The following LRRC49 variants were observed in gnomAD, a reference collection of about 807,000 sequenced individuals.
LRRC49 encodes leucine-rich repeat-containing protein 49.
LRRC49 carries 50 observed loss-of-function variants against 83.3 expected under a neutral mutation model. That is an observed-to-expected ratio of 0.60 (90% CI 0.48 to 0.76). The LOEUF (loss-of-function observed/expected upper bound fraction) is 0.76, where lower values mean the gene tolerates loss of function less well. Among genes scored for constraint, LRRC49 ranks in the 30% least tolerant of loss-of-function variants. LRRC49 has a pLI of 0.00. For synonymous variants in LRRC49, 286 were observed against 283.3 expected (o/e 1.01, Z -0.10); for missense variants, 704 against 809.1 (o/e 0.87, Z 1.58).
intron 7 of LRRC49, among the ~76,000 whole-genome samples, chr15:70,922,522 G>A (rs1037611664): frequency 1.3e-5 from 2 of 152,066 alleles, no homozygotes; most frequent in African/African-American, 4.8e-5. Flanking sequence ...GTTATCAGAG[G>A]CTGAGAAGGG....
intron 1 of LRRC49, chr15:70,860,047 T>C: frequency 1.4e-6 from 1 of 738,502 alleles, no homozygotes; most frequent in East Asian, 2.5e-5. Context: ...GCTTTGGCTC[T>C]GGCGCAGGCT....
chr15:70,983,290 A>G (rs1023048785), intron 10 of LRRC49, among the ~76,000 whole-genome samples: 1 of 152,128 alleles, frequency 6.6e-6, no homozygotes, highest in African/African-American at 2.4e-5. Flanking sequence ...ACTGAGCTCC[A>G]ATGCTGGAAG....
intron 1 of LRRC49, among the ~76,000 whole-genome samples, chr15:70,869,486 A>G (rs1169064021): frequency 1.3e-5 from 2 of 152,162 alleles, no homozygotes; most frequent in African/African-American, 2.4e-5. Context: ...TGTCTATCAA[A>G]CACTGTACTG....
intron 6 of LRRC49, among the ~76,000 whole-genome samples, chr15:70,912,104 T>G (rs2034573793): frequency 1.3e-5 from 2 of 152,208 alleles, no homozygotes; most frequent in Non-Finnish European, 2.9e-5. Context: ...AGTGTTTACT[T>G]TTTGAATACA....
chr15:70,866,164 T>TTTA (rs1199362093), intron 1 of LRRC49, among the ~76,000 whole-genome samples: 1 of 134,994 alleles, frequency 7.4e-6, no homozygotes, highest in Non-Finnish European at 1.6e-5. Flanking sequence ...TTATTTATTT[T>TTTA]TGAGATGGAG....
chr15:71,033,122 C>G (rs1420466182), intron 14 of LRRC49, among the ~76,000 whole-genome samples: 1 of 152,196 alleles, frequency 6.6e-6, no homozygotes, highest in African/African-American at 2.4e-5. Context: ...CCCATTGTCT[C>G]AGCCCAAAAG....
intron 1 of LRRC49, chr15:70,860,152 T>A (rs1218639674): frequency 1.4e-6 from 1 of 690,598 alleles, no homozygotes; most frequent in East Asian, 2.5e-5. Flanking sequence ...TCTGACATCC[T>A]GCCTAAGTGA....
At chr15:70,888,229 A>G (rs2033461056), upstream of LRRC49, among the ~76,000 whole-genome samples, 1 of 152,170 alleles carries the variant, frequency 6.6e-6, no homozygotes, top group South Asian at 2.1e-4. Flanking sequence ...TAGTCAAAAT[A>G]TCCACAAACA....
At chr15:70,892,512 A>G, upstream of LRRC49, 1 of 1,522,964 alleles carries the variant, frequency 6.6e-7, no homozygotes, top group Non-Finnish European at 8.8e-7. Context: ...AGTGGACACA[A>G]GCAGAGGGAT....
At chr15:70,983,814 A>G (rs2037491320) in intron 10 of LRRC49, among the ~76,000 whole-genome samples, 1 of 152,150 alleles carries the variant, frequency 6.6e-6, no homozygotes, top group Admixed American at 6.6e-5. Context: ...TTTAATCTCT[A>G]GTTGGTTGTA....
chr15:70,952,294 G>T (rs541681260), intron 8 of LRRC49, among the ~76,000 whole-genome samples: 2 of 151,468 alleles, frequency 1.3e-5, no homozygotes, highest in South Asian at 4.2e-4. Context: ...TTAGAGAGTA[G>T]TCCCTCCTTC....
chr15:70,931,214 A>G (rs540357063), intron 7 of LRRC49, among the ~76,000 whole-genome samples: 1 of 152,240 alleles, frequency 6.6e-6, no homozygotes, highest in African/African-American at 2.4e-5. Context: ...TAATTGGCCT[A>G]GTTTTAATAT....
intron 2 of LRRC49, among the ~76,000 whole-genome samples, chr15:70,883,985 T>C (rs1296348280): frequency 6.6e-6 from 1 of 151,932 alleles, no homozygotes; most frequent in Non-Finnish European, 1.5e-5. Context: ...GGAACTAATA[T>C]GGGTGAGAGG....
Position 70,984,325 on chromosome 15 carries a change from C to A in LRRC49, c.1169+68C>A. 7.7e-6 allele frequency: 10 copies of A among 1,303,356 alleles called. 1 individual carries two copies. The South Asian group carries it at 1.6e-4, about 21-fold the overall frequency. The allele number at this position is 1,303,356 out of a possible 1,614,324, so 80.7% of individuals were successfully genotyped here. A position where few individuals can be genotyped will look rare whatever the true frequency, so the allele number is the denominator to read the frequency against. On this transcript the variant is annotated intron_variant, in intron 11 of 15. Transcript: ENST00000260382. ...TTGAATTTGGAGTGGGAATTAGAAACCATTTTACATATAATTATTTTAAAA... is the reference window on the plus strand; with the variant it reads ...TTGAATTTGGAGTGGGAATTAGAAAACATTTTACATATAATTATTTTAAAA...
Position 70,960,490 on chromosome 15 carries a change from TAAAC to T in LRRC49, c.774-3294_774-3291del, listed in dbSNP as rs548901279. The stretch of plus-strand genomic sequence containing the variant: ...AAACGTGTATCATTCATGTAGTAAA[TAAAC>T]TAAGTGTTTAAATCATTTCAAAGCT... On this transcript the variant is annotated intron_variant, in intron 8 of 15. Transcript: ENST00000260382. Among the ~76,000 whole-genome samples the T allele has an allele frequency of 8.5e-4, 130 of 152,298 alleles. 1 individual carries two copies. The highest frequency in any genetic ancestry group is 1.3e-3 in the Non-Finnish European group (87 of 68,020).
chr15:70,882,558 C>T (rs200034991), intron 2 of LRRC49: 2 of 1,613,908 alleles, frequency 1.2e-6, no homozygotes, highest in Non-Finnish European at 1.7e-6. Flanking sequence ...GAGTAAATGT[C>T]AAAGAGAGAG....
At chr15:70,901,594 C>T (rs957355576) in intron 4 of LRRC49, among the ~76,000 whole-genome samples, 1 of 152,168 alleles carries the variant, frequency 6.6e-6, no homozygotes, top group Non-Finnish European at 1.5e-5. Context: ...GCCATCCTCT[C>T]CAAAATTGCA....
intron 11 of LRRC49, among the ~76,000 whole-genome samples, chr15:70,986,114 T>C (rs1367829582): frequency 1.6e-4 from 24 of 150,146 alleles, no homozygotes; most frequent in Non-Finnish European, 2.7e-4. Context: ...CTTGGCGATG[T>C]GGGCTCTTTT....
At chr15:70,858,978 A>C in intron 1 of LRRC49, 2 of 866,152 alleles carry the variant, frequency 2.3e-6, no homozygotes. Flanking sequence ...GGCTCTACAC[A>C]CCCAAAGAAG....
Sources: allele counts gnomAD v4.1 joint callset (sites outside exome capture counted in the v4.1 genomes callset), GRCh38; gene constraint gnomAD v4.1.1; transcripts MANE v1.5; gene names NCBI Gene and HGNC (gene_info 2026-07-23, HGNC 2026-07-21).